Variants in SIRPA observed in about 807,000 individuals in gnomAD.
The protein encoded by SIRPA is tyrosine-protein phosphatase non-receptor type substrate 1.
Under a neutral mutation model 50.3 loss-of-function variants are expected in SIRPA, and 9 were observed. The observed-to-expected ratio is 0.18, with a 90% CI of 0.11 to 0.31. The LOEUF (loss-of-function observed/expected upper bound fraction) is 0.31. Among genes scored for constraint, SIRPA ranks in the 10% least tolerant of loss-of-function variants. The pLI, the probability that SIRPA is intolerant of heterozygous loss-of-function variation, is 1.00. For missense variants in SIRPA, 474 were observed against 661.6 expected, an observed-to-expected ratio of 0.72 and a Z score of 3.11; for synonymous variants, 265 against 284.1, an observed-to-expected ratio of 0.93 and a Z score of 0.68.
At position 1,928,694 on chromosome 20, in the gene SIRPA, G is replaced by A. The variant is rs576289167; in HGVS notation, c.1226+795G>A. On this transcript the variant is annotated intron_variant, in intron 6 of 7. Transcript: ENST00000358771. This position sits in a 1 kb window ranked among gnomAD's most constrained non-coding sequence, Gnocchi z 4.9. Reference sequence around the variant, plus strand: ...CTCTGAAAAGGGGATGCAAACGGGTGCCTGAAACTAGTGAGCTATGTTGGA... The same window carrying A: ...CTCTGAAAAGGGGATGCAAACGGGTACCTGAAACTAGTGAGCTATGTTGGA... 6.6e-6 allele frequency among the ~76,000 whole-genome samples: 1 copy of A among 152,166 alleles called. No homozygotes were observed. The highest frequency in any genetic ancestry group is 2.4e-5 in the African/African-American group (1 of 41,432).
intron 1 of SIRPA, among the ~76,000 whole-genome samples, chr20:1,908,215 A>G (rs1307586782): frequency 1.3e-5 from 2 of 152,034 alleles, no homozygotes; most frequent in Non-Finnish European, 2.9e-5. Flanking sequence ...GCCCAGCTGG[A>G]CACACTCCCG....
chr20:1,915,516 C>G, intron 2 of SIRPA, 61 bp downstream of exon 2: 1 of 1,572,060 alleles, frequency 6.4e-7, no homozygotes, highest in South Asian at 1.1e-5. Flanking sequence ...TAATAACACC[C>G]TCCATTCTTT....
chr20:1,920,021 A>G (rs1292056267), intron 2 of SIRPA, among the ~76,000 whole-genome samples: 1 of 152,152 alleles, frequency 6.6e-6, no homozygotes, highest in Non-Finnish European at 1.5e-5. Context: ...GCTGCATACC[A>G]GGCTCTGTGC....
At chr20:1,920,236 C>T (rs1381299844) in intron 2 of SIRPA, among the ~76,000 whole-genome samples, 1 of 152,206 alleles carries the variant, frequency 6.6e-6, no homozygotes, top group African/African-American at 2.4e-5. Flanking sequence ...GATTGCAGCC[C>T]CTCAGCCCTG....
Position 1,924,032 on chromosome 20 carries a change from C to T in SIRPA, c.1088-732C>T, listed in dbSNP as rs947099190. Among the ~76,000 whole-genome samples the T allele has an allele frequency of 2.0e-5, 3 of 151,820 alleles. No individual in the cohort carries two copies. The highest frequency in any genetic ancestry group is 2.9e-5 in the Non-Finnish European group (2 of 67,944). ...TGGTTGGTTGGTTGGTTACATAATCCTTAGTTAGCCAATGAGGTAGAGATG... is the reference window on the plus strand; with the variant it reads ...TGGTTGGTTGGTTGGTTACATAATCTTTAGTTAGCCAATGAGGTAGAGATG... On this transcript the variant is annotated intron_variant, in intron 4 of 7. Coordinates refer to ENST00000358771, the MANE Select transcript of SIRPA (RefSeq NM_001040023.2). The surrounding 1 kb of genome is among the most constrained non-coding windows in gnomAD (Gnocchi z 4.5).
chr20:1,902,561 C>G (rs1465883343), intron 1 of SIRPA, among the ~76,000 whole-genome samples: 3 of 152,202 alleles, frequency 2.0e-5, no homozygotes, highest in Non-Finnish European at 4.4e-5. Flanking sequence ...ACAAAAACAC[C>G]TGCTCTCGTG....
At chr20:1,922,274 G>T in intron 3 of SIRPA, 39 bp from the exon 4 acceptor site, 1 of 1,611,814 alleles carries the variant, frequency 6.2e-7, no homozygotes, top group Non-Finnish European at 8.5e-7. Context: ...TGATCTGTCT[G>T]TGCCACAAGG....
chr20:1,895,407 A>C lies in SIRPA; in HGVS notation c.-41A>C. On this transcript the variant is annotated 5_prime_UTR_variant, in exon 1 of 8. Coordinates refer to ENST00000358771, the MANE Select transcript of SIRPA (RefSeq NM_001040023.2). ...CCAGCCTGCTCCCGCCCGAGCGCGC[A>C]CTCACGGCCGCTCTCCCTCCTCGCT... 1 of 1,256,450 alleles carries C rather than the reference A, an allele frequency of 8.0e-7. No individual in the cohort carries two copies. The highest frequency in any genetic ancestry group is 1.0e-6 in the Non-Finnish European group (1 of 967,822). 77.8% of individuals were successfully genotyped at this position (1,256,450 alleles called of 1,614,324 possible). A position where few individuals can be genotyped will look rare whatever the true frequency, so the allele number is the denominator to read the frequency against.
intron 5 of SIRPA, among the ~76,000 whole-genome samples, chr20:1,926,575 G>A (rs988219802): frequency 5.9e-5 from 9 of 152,228 alleles, no homozygotes; most frequent in Non-Finnish European, 1.2e-4. Context: ...GACAGGGACG[G>A]CTAGTATCCC....
At chr20:1,912,548 CT>C (rs1984954907) in intron 1 of SIRPA, among the ~76,000 whole-genome samples, 1 of 152,218 alleles carries the variant, frequency 6.6e-6, no homozygotes, top group Non-Finnish European at 1.5e-5. Flanking sequence ...CTTGTGGATC[CT>C]ACATCCTACT....
chr20:1,936,160 G>A lies in SIRPA; in HGVS notation c.1267-1160G>A, dbSNP rs76417669. Among the ~76,000 whole-genome samples the A allele has an allele frequency of 0.019, 2,921 of 152,172 alleles. 102 individuals are homozygous for A. The highest frequency in any genetic ancestry group is 0.066 in the African/African-American group (2,757 of 41,502). On this transcript the variant is annotated intron_variant, in intron 7 of 7. Transcript: ENST00000358771. This position sits in a 1 kb window ranked among gnomAD's most constrained non-coding sequence, Gnocchi z 4.2. ...CCGTGCACCAACTAGGAGGTGTGCC[G>A]GTTGGTGGTAGCTTTATTCTGTTCT...
At chr20:1,930,268 G>A (rs967073311) in intron 6 of SIRPA, among the ~76,000 whole-genome samples, 5 of 152,160 alleles carry the variant, frequency 3.3e-5, no homozygotes, top group African/African-American at 4.8e-5. Flanking sequence ...GTGCCGCAGC[G>A]TGGACACCCT....
At chr20:1,918,504 G>A (rs1024242755) in intron 2 of SIRPA, among the ~76,000 whole-genome samples, 8 of 151,750 alleles carry the variant, frequency 5.3e-5, no homozygotes, top group Non-Finnish European at 7.4e-5. Flanking sequence ...GAGCCACTGC[G>A]CCCTGCCATC....
At position 1,927,935 on chromosome 20, in the gene SIRPA, A is replaced by G. The variant is rs1464659219; in HGVS notation, c.1226+36A>G. 2 of 1,596,562 alleles carry G rather than the reference A, an allele frequency of 1.3e-6. No homozygotes were observed. Among genetic ancestry groups the G allele is most frequent in the Non-Finnish European group, 8.6e-7 (1 of 1,164,128 alleles). ...CATTGGTCCAGACCCTCTTGCAGTTATTATTTGGTTATTTGACAGCCCCCC... is the reference window on the plus strand; with the variant it reads ...CATTGGTCCAGACCCTCTTGCAGTTGTTATTTGGTTATTTGACAGCCCCCC... On this transcript the variant is annotated intron_variant, in intron 6 of 7. Transcript: ENST00000358771. The surrounding 1 kb of genome is among the most constrained non-coding windows in gnomAD (Gnocchi z 6.5).
intron 2 of SIRPA, among the ~76,000 whole-genome samples, chr20:1,919,676 C>T (rs886744541): frequency 5.9e-5 from 9 of 152,316 alleles, no homozygotes; most frequent in East Asian, 1.9e-4. Flanking sequence ...CAAGATGTCA[C>T]GGAGGAGTCT....
rs915948503 is a variant in SIRPA at position 1,933,908 on chromosome 20, A to G, written c.1227-807A>G. 6.6e-6 allele frequency among the ~76,000 whole-genome samples: 1 copy of G among 152,182 alleles called. No individual in the cohort carries two copies. The highest frequency in any genetic ancestry group is 1.5e-5 in the Non-Finnish European group (1 of 68,034). ...AACAACTTCTTTGATTAACTTGGAC[A>G]TCTTGGTCTTTTTCTTTTCTTTCTT... On this transcript the variant is annotated intron_variant, in intron 6 of 7. Transcript: ENST00000358771. The surrounding 1 kb of genome is among the most constrained non-coding windows in gnomAD (Gnocchi z 4.4).
intron 2 of SIRPA, among the ~76,000 whole-genome samples, chr20:1,920,125 G>A (rs778840335): frequency 6.6e-6 from 1 of 152,178 alleles, no homozygotes; most frequent in Non-Finnish European, 1.5e-5. Context: ...GGGCTCACAC[G>A]AGGATCCCCT....
At chr20:1,912,400 C>G (rs1984944563) in intron 1 of SIRPA, among the ~76,000 whole-genome samples, 1 of 152,228 alleles carries the variant, frequency 6.6e-6, no homozygotes, top group Non-Finnish European at 1.5e-5. Context: ...TCAACTCCAC[C>G]TAACACATGA....
At chr20:1,910,269 C>G (rs1380880871) in intron 1 of SIRPA, among the ~76,000 whole-genome samples, 1 of 152,178 alleles carries the variant, frequency 6.6e-6, no homozygotes, top group African/African-American at 2.4e-5. Flanking sequence ...GTTCCTCTTA[C>G]AGCAAACATA....
Sources: gnomAD v4.1 joint callset for allele counts (sites outside exome capture counted in the v4.1 genomes callset) on GRCh38, gnomAD v4.1.1 for gene constraint, Gnocchi (gnomAD v3.1) non-coding constraint, MANE v1.5 for transcripts, NCBI Gene and HGNC (gene_info 2026-07-23, HGNC 2026-07-21) for gene names.